ANKRD12: variants seen among roughly 807,000 people sequenced by gnomAD.
The protein encoded by ANKRD12 is ankyrin repeat domain-containing protein 12.
In ANKRD12, 85 loss-of-function variants were observed where a neutral mutation model predicts 183.4. That is an observed-to-expected ratio of 0.46 (90% CI 0.39 to 0.56). ANKRD12 has a LOEUF of 0.56. Ranked by LOEUF, ANKRD12 falls within the 20% of genes least tolerant of loss-of-function variation. The pLI is 0.00. For missense variants in ANKRD12, 2,405 were observed against 2,357.1 expected (o/e 1.02, Z -0.42); for synonymous variants, 914 against 800.2 (o/e 1.14, Z -2.40).
At chr18:9,175,076 T>C (rs1598457667) in intron 1 of ANKRD12, among the ~76,000 whole-genome samples, 3 of 152,220 alleles carry the variant, frequency 2.0e-5, no homozygotes, top group Middle Eastern at 3.4e-3. Flanking sequence ...TGCCTAAGCC[T>C]CCAGAGTAGC....
intron 8 of ANKRD12, chr18:9,239,343 T>C (rs1183619349): frequency 1.6e-5 from 3 of 188,810 alleles, no homozygotes; most frequent in African/African-American, 4.7e-5. Flanking sequence ...CAACAAATTT[T>C]CCCACGGAAG....
At chr18:9,167,682 C>G (rs964404320) in intron 1 of ANKRD12, among the ~76,000 whole-genome samples, 60 of 152,252 alleles carry the variant, frequency 3.9e-4, no homozygotes, top group African/African-American at 1.3e-3. Flanking sequence ...ATTTGACTTC[C>G]TCTTTTCCTA....
At chr18:9,195,830 A>T (rs1598518227) in intron 3 of ANKRD12, 132 bp downstream of exon 3, 2 of 864,076 alleles carry the variant, frequency 2.3e-6, no homozygotes, top group East Asian at 6.2e-5. Context: ...CAGATTTATC[A>T]TTTTGGGGTA....
intron 8 of ANKRD12, chr18:9,250,321 T>G (rs752343298): frequency 1.1e-4 from 17 of 152,078 alleles, no homozygotes; most frequent in Admixed American, 2.6e-4. Flanking sequence ...TGAGAAGAGA[T>G]ATGATAGATA....
intron 8 of ANKRD12, among the ~76,000 whole-genome samples, chr18:9,234,108 G>A (rs185127156): frequency 1.9e-4 from 29 of 152,214 alleles, no homozygotes; most frequent in African/African-American, 5.8e-4. Context: ...CAGCAGAGCC[G>A]CACAGAATGG....
intron 8 of ANKRD12, among the ~76,000 whole-genome samples, chr18:9,246,542 C>A (rs537247554): frequency 1.2e-3 from 177 of 152,222 alleles, no homozygotes; most frequent in African/African-American, 4.0e-3. Flanking sequence ...CACATACTTC[C>A]ATTGTAGCCC....
chr18:9,261,760 T>G (rs2038980569), intron 9 of ANKRD12, among the ~76,000 whole-genome samples: 1 of 152,190 alleles, frequency 6.6e-6, no homozygotes, highest in Admixed American at 6.5e-5. Flanking sequence ...TCCCTCCTTT[T>G]CCTTTCTTCC....
In ANKRD12 at chr18:9,258,047, A is replaced by G. The variant is rs1400997079; in HGVS notation, c.4780A>G (p.Ser1594Gly). 6.2e-7 allele frequency: 1 copy of G among 1,613,442 alleles called. No individual in the cohort carries two copies. Among genetic ancestry groups the G allele is most frequent in the Non-Finnish European group, 8.5e-7 (1 of 1,179,972 alleles). ...VLPSEKDFNG[S>G]DASTQLNTHY... ...ACCATCAGAAAAGGACTTTAATGGA[A>G]GTGATGCCTCTACCCAGCTAAATAC... Residue 1594 changes from serine (S) to glycine (G), a missense_variant, in exon 9 of 13, where the codon AGT becomes GGT. Ser to Gly is a moderately conservative substitution (Grantham distance 56). Coordinates refer to ENST00000262126, the MANE Select transcript of ANKRD12 (RefSeq NM_015208.5).
intron 2 of ANKRD12, among the ~76,000 whole-genome samples, chr18:9,192,859 T>A (rs548245604): frequency 1.3e-5 from 2 of 151,990 alleles, no homozygotes; most frequent in Admixed American, 6.6e-5. Flanking sequence ...TTTTTAAAAA[T>A]TTTTTATGGC....
chr18:9,282,153 A>G lies in ANKRD12; in HGVS notation c.*1027A>G, dbSNP rs893249867. The G allele has an allele frequency of 2.0e-5, 3 of 152,652 alleles. No individual in the cohort carries two copies. Among genetic ancestry groups the G allele is most frequent in the Non-Finnish European group, 4.4e-5 (3 of 68,014 alleles). 9.5% of individuals were successfully genotyped at this position (152,652 alleles called of 1,614,324 possible). A position where few individuals can be genotyped will look rare whatever the true frequency, so the allele number is the denominator to read the frequency against. ...TTCACCTATGAAAGAATCTGTGAAT[A>G]TATGTAAATACGTTTAATAAATTTT... is the stretch of plus-strand genomic sequence containing the variant. On this transcript the variant is annotated 3_prime_UTR_variant, in exon 13 of 13. Transcript: ENST00000262126.
chr18:9,171,377 A>T (rs1306125602), intron 1 of ANKRD12, among the ~76,000 whole-genome samples: 1 of 152,156 alleles, frequency 6.6e-6, no homozygotes, highest in African/African-American at 2.4e-5. Context: ...TTGACTCTAT[A>T]CATTTTGCCA....
intron 6 of ANKRD12, among the ~76,000 whole-genome samples, chr18:9,213,910 C>G (rs2035945726): frequency 6.6e-6 from 1 of 151,766 alleles, no homozygotes; most frequent in Admixed American, 6.6e-5. Flanking sequence ...TATTTTGCCT[C>G]TTTAAAATTC....
intron 2 of ANKRD12, among the ~76,000 whole-genome samples, chr18:9,187,735 A>G (rs1044441801): frequency 6.6e-6 from 1 of 152,214 alleles, no homozygotes; most frequent in Non-Finnish European, 1.5e-5. Flanking sequence ...TTTTAGCTAT[A>G]AATCAGTATT....
chr18:9,197,295 C>T (rs565899017), intron 3 of ANKRD12, among the ~76,000 whole-genome samples: 4 of 152,260 alleles, frequency 2.6e-5, no homozygotes, highest in African/African-American at 7.2e-5. Flanking sequence ...ATTTTTTCTA[C>T]CGTTGGACTT....
At chr18:9,139,897 A>G (rs1216093391) in intron 1 of ANKRD12, among the ~76,000 whole-genome samples, 1 of 152,218 alleles carries the variant, frequency 6.6e-6, no homozygotes, top group African/African-American at 2.4e-5. Flanking sequence ...GTTAAAAACT[A>G]GTCTGTGGTT....
intron 2 of ANKRD12, among the ~76,000 whole-genome samples, chr18:9,185,280 A>G (rs775707605): frequency 1.3e-5 from 2 of 152,178 alleles, no homozygotes; most frequent in African/African-American, 2.4e-5. Flanking sequence ...CATAGAAAGA[A>G]CCAGTCAGAA....
In ANKRD12 at chr18:9,258,094, AACTT is replaced by A; in HGVS notation, c.4830_4833del (p.Tyr1611SerfsTer31). The A allele has an allele frequency of 6.2e-7, 1 of 1,613,330 alleles. No individual in the cohort carries two copies. The highest frequency in any genetic ancestry group is 8.5e-7 in the Non-Finnish European group (1 of 1,179,950). ...ATACACATTATGCATTTAGCAAACT[AACTT>A]ACAAGTCTTCCAGTGGCCATGAAGT... is the stretch of plus-strand genomic sequence containing the variant. On this transcript the variant is annotated frameshift_variant, in exon 9 of 13. Coordinates refer to ENST00000262126, the MANE Select transcript of ANKRD12 (RefSeq NM_015208.5). LOFTEE classifies it high-confidence loss of function.
intron 1 of ANKRD12, among the ~76,000 whole-genome samples, chr18:9,170,393 T>C (rs1334219071): frequency 6.6e-6 from 1 of 152,230 alleles, no homozygotes; most frequent in Admixed American, 6.5e-5. Context: ...CCCATATTTC[T>C]TGGAGGTTTT....
At chr18:9,147,084 C>G (rs183041311) in intron 1 of ANKRD12, among the ~76,000 whole-genome samples, 31 of 152,272 alleles carry the variant, frequency 2.0e-4, no homozygotes, top group Non-Finnish European at 3.8e-4. Flanking sequence ...CAGCTCTCCA[C>G]AACTGCATCA....
Sources: gnomAD v4.1 joint callset for allele counts (sites outside exome capture counted in the v4.1 genomes callset) on GRCh38, gnomAD v4.1.1 for gene constraint, MANE v1.5 for transcripts, NCBI Gene and HGNC (gene_info 2026-07-23, HGNC 2026-07-21) for gene names.